Variants in ALG14 observed in about 807,000 individuals in gnomAD.
ALG14 encodes ALG14 UDP-N-acetylglucosaminyltransferase subunit, also known as UDP-N-acetylglucosamine transferase subunit ALG14.
ALG14 carries 17 observed loss-of-function variants against 22.8 expected under a neutral mutation model. The ratio of observed to expected loss-of-function variants is 0.75; its 90% confidence interval spans 0.51 to 1.12. ALG14 has a LOEUF of 1.12. ALG14 is among the 50% of genes most tolerant of loss of function. ALG14 has a pLI of 0.00. For missense variants in ALG14, 288 were observed against 271.8 expected (o/e 1.06, Z -0.42); for synonymous variants, 89 against 103.7 (o/e 0.86, Z 0.86).
Position 94,976,105 on chromosome 1 carries a change from C to T in ALG14, c.*6971G>A, listed in dbSNP as rs572753650. On this transcript the variant is annotated 3_prime_UTR_variant, in exon 4 of 4. Transcript: ENST00000370205. ...TGATGGAGACAAATGTGACTGAGGGCTTGAGGGCTTACTATTTAGCAGGCT... is the reference window on the plus strand; with the variant it reads ...TGATGGAGACAAATGTGACTGAGGGTTTGAGGGCTTACTATTTAGCAGGCT... The T allele has an allele frequency of 6.6e-6, 1 of 150,532 alleles. No individual in the cohort carries two copies. Among genetic ancestry groups the T allele is most frequent in the African/African-American group, 2.4e-5 (1 of 41,038 alleles). 9.3% of individuals were successfully genotyped at this position (150,532 alleles called of 1,614,324 possible). A position where few individuals can be genotyped will look rare whatever the true frequency, so the allele number is the denominator to read the frequency against.
In ALG14 at chr1:95,068,206, T is replaced by A. The variant is rs186795731; in HGVS notation, c.137-3189A>T. ...TCCTATTGAATGAAAGAATGAATGT[T>A]TGATATTAAATCTAACATTTGCCTA... On this transcript the variant is annotated intron_variant, in intron 1 of 3. Coordinates refer to ENST00000370205, the MANE Select transcript of ALG14 (RefSeq NM_144988.4). Among the ~76,000 whole-genome samples, 69 of 152,354 alleles carry A rather than the reference T, an allele frequency of 4.5e-4. 1 individual carries two copies. In the East Asian group the frequency reaches 0.012, roughly 26 times the overall value.
chr1:95,072,077 C>A (rs1205143780), intron 1 of ALG14, among the ~76,000 whole-genome samples: 1 of 152,132 alleles, frequency 6.6e-6, no homozygotes, highest in Non-Finnish European at 1.5e-5. Context: ...TAAAGTAATG[C>A]GTTATACTTG....
intron 2 of ALG14, among the ~76,000 whole-genome samples, chr1:95,037,043 G>A (rs1037293870): frequency 4.6e-5 from 7 of 152,168 alleles, no homozygotes; most frequent in African/African-American, 1.7e-4. Context: ...CTGGTGGTCT[G>A]AGACTTCAGG....
At chr1:95,040,543 A>C (rs181070284) in intron 2 of ALG14, among the ~76,000 whole-genome samples, 94 of 152,114 alleles carry the variant, frequency 6.2e-4, no homozygotes, top group African/African-American at 2.2e-3. Flanking sequence ...TGTGACTGCA[A>C]CTACCAGAAT....
At chr1:95,029,240 G>C (rs1466659370) in intron 2 of ALG14, among the ~76,000 whole-genome samples, 1 of 152,070 alleles carries the variant, frequency 6.6e-6, no homozygotes, top group Admixed American at 6.6e-5. Context: ...ATTGCTGGTT[G>C]GTGTCCTTAG....
chr1:95,011,836 A>G (rs758679915), intron 3 of ALG14, among the ~76,000 whole-genome samples: 1 of 152,216 alleles, frequency 6.6e-6, no homozygotes, highest in Non-Finnish European at 1.5e-5. Flanking sequence ...GAATCTAAAA[A>G]CTATATGTGA....
chr1:95,017,847 G>T (rs1226040196), intron 3 of ALG14, among the ~76,000 whole-genome samples: 1 of 152,142 alleles, frequency 6.6e-6, no homozygotes, highest in East Asian at 1.9e-4. Context: ...TGAGGCACTG[G>T]AGCTCCAAGG....
chr1:95,061,415 C>T (rs1292999443), intron 2 of ALG14, among the ~76,000 whole-genome samples: 1 of 152,022 alleles, frequency 6.6e-6, no homozygotes, highest in Non-Finnish European at 1.5e-5. Context: ...TTTGAGAATA[C>T]ATTTTAGTAG....
chr1:95,053,624 G>C (rs1674827815), intron 2 of ALG14, among the ~76,000 whole-genome samples: 1 of 152,052 alleles, frequency 6.6e-6, no homozygotes, highest in African/African-American at 2.4e-5. Flanking sequence ...GCAGTGGCAT[G>C]ATCATAGCTC....
At chr1:95,060,942 G>A (rs1324940599) in intron 2 of ALG14, among the ~76,000 whole-genome samples, 1 of 152,168 alleles carries the variant, frequency 6.6e-6, no homozygotes, top group Non-Finnish European at 1.5e-5. Context: ...TTCTGAATTA[G>A]AGTGGGCCCT....
At chr1:95,015,633 C>T (rs144521431) in intron 3 of ALG14, among the ~76,000 whole-genome samples, 228 of 152,208 alleles carry the variant, frequency 1.5e-3, no homozygotes, top group African/African-American at 5.1e-3. Flanking sequence ...CGGGTTTGGA[C>T]GGATGTCCTT....
chr1:94,985,743 A>C (rs1210787020), intron 3 of ALG14, among the ~76,000 whole-genome samples: 3 of 152,210 alleles, frequency 2.0e-5, no homozygotes, highest in Non-Finnish European at 4.4e-5. Context: ...ATGCATTAAC[A>C]ACCTGCCACA....
intron 1 of ALG14, among the ~76,000 whole-genome samples, chr1:95,069,435 A>G (rs1675484718): frequency 6.6e-6 from 1 of 152,220 alleles, no homozygotes. Flanking sequence ...TTATTATGCC[A>G]AGGGGAAAAG....
intron 2 of ALG14, among the ~76,000 whole-genome samples, chr1:95,034,987 G>A (rs1674137302): frequency 6.6e-6 from 1 of 152,016 alleles, no homozygotes; most frequent in Non-Finnish European, 1.5e-5. Flanking sequence ...GTGACCGCCC[G>A]CCACCTACCC....
chr1:95,000,002 T>C (rs1368725493), intron 3 of ALG14, among the ~76,000 whole-genome samples: 2 of 146,258 alleles, frequency 1.4e-5, no homozygotes, highest in South Asian at 2.4e-4. Context: ...TGCTGCTACA[T>C]GCCTTTTTCC....
At chr1:94,986,788 T>TA (rs1672656275) in intron 3 of ALG14, among the ~76,000 whole-genome samples, 1 of 150,986 alleles carries the variant, frequency 6.6e-6, no homozygotes, top group African/African-American at 2.4e-5. Context: ...TTTTTTTTTT[T>TA]AACCATCCCA....
At chr1:95,032,664 A>G (rs1459973875) in intron 2 of ALG14, among the ~76,000 whole-genome samples, 1 of 152,152 alleles carries the variant, frequency 6.6e-6, no homozygotes, top group East Asian at 1.9e-4. Context: ...GCATCTAACA[A>G]TGCTTCAAAA....
chr1:95,068,390 G>C (rs369133172), intron 1 of ALG14, among the ~76,000 whole-genome samples: 1 of 152,208 alleles, frequency 6.6e-6, no homozygotes, highest in Non-Finnish European at 1.5e-5. Context: ...GGGTTCAAGC[G>C]ATTCTCCTGC....
intron 3 of ALG14, among the ~76,000 whole-genome samples, chr1:95,023,200 T>G (rs1673714978): frequency 6.6e-6 from 1 of 152,184 alleles, no homozygotes; most frequent in Non-Finnish European, 1.5e-5. Context: ...CTCAGCTCAC[T>G]GTAAACTCTG....
Sources: gnomAD v4.1 joint callset for allele counts (sites outside exome capture counted in the v4.1 genomes callset) on GRCh38, gnomAD v4.1.1 for gene constraint, MANE v1.5 for transcripts, NCBI Gene and HGNC (gene_info 2026-07-23, HGNC 2026-07-21) for gene names.